Variants in RIMS4 observed in about 807,000 individuals in gnomAD.
RIMS4 encodes regulating synaptic membrane exocytosis protein 4.
In RIMS4, 9 loss-of-function variants were observed where a neutral mutation model predicts 29.0. That is an observed-to-expected ratio of 0.31 (90% CI 0.19 to 0.54). The LOEUF is 0.54. RIMS4 is among the 20% of genes least tolerant of loss of function. RIMS4 has a pLI of 0.94. For missense variants in RIMS4, 193 were observed against 365.7 expected (o/e 0.53, Z 3.85); for synonymous variants, 130 against 152.9 (o/e 0.85, Z 1.10).
intron 2 of RIMS4, among the ~76,000 whole-genome samples, chr20:44,764,260 A>ATCCATCCATTTATC (rs1555859479): frequency 2.5e-4 from 38 of 151,802 alleles, no homozygotes; most frequent in South Asian, 4.2e-4. Flanking sequence ...CCATCCTCCC[A>ATCCATCCATTTATC]CAAACTCACC....
intron 2 of RIMS4, among the ~76,000 whole-genome samples, chr20:44,764,033 TC>T (rs1281817682): frequency 6.7e-6 from 1 of 149,998 alleles, no homozygotes; most frequent in Non-Finnish European, 1.5e-5. Flanking sequence ...CATTTATCCA[TC>T]CATCCATCCA....
chr20:44,798,525 T>C (rs1276414951), intron 1 of RIMS4, among the ~76,000 whole-genome samples: 2 of 152,116 alleles, frequency 1.3e-5, no homozygotes, highest in Admixed American at 1.3e-4. Flanking sequence ...AGACAGTGGG[T>C]GAGTGGACCC....
rs2066035511 is a variant in RIMS4 at position 44,752,082 on chromosome 20, C to T, written c.*4052G>A. 1 of 152,282 alleles carries T rather than the reference C, an allele frequency of 6.6e-6. No individual in the cohort carries two copies. Among genetic ancestry groups the T allele is most frequent in the African/African-American group, 2.4e-5 (1 of 41,456 alleles). 9.4% of individuals were successfully genotyped at this position (152,282 alleles called of 1,614,324 possible). On this transcript the variant is annotated 3_prime_UTR_variant, in exon 6 of 6. Transcript: ENST00000372851. ...ATGCTCACAGCCCTGGGTTCGGCTC[C>T]ATTCTGACCTCCCTGAAGCGCTGGG...
At chr20:44,765,357 T>C (rs2066109230) in intron 2 of RIMS4, among the ~76,000 whole-genome samples, 1 of 152,152 alleles carries the variant, frequency 6.6e-6, no homozygotes, top group Non-Finnish European at 1.5e-5. Context: ...TGGAGGCACA[T>C]TCTTCACTTC....
intron 1 of RIMS4, among the ~76,000 whole-genome samples, chr20:44,781,297 C>A (rs748384547): frequency 2.0e-5 from 3 of 152,098 alleles, no homozygotes; most frequent in South Asian, 2.1e-4. Flanking sequence ...GGCAATTGTG[C>A]AATAATTACA....
chr20:44,799,166 G>C lies in RIMS4; in HGVS notation c.97+11009C>G, dbSNP rs1455017229. ...AAAAATATAAAAATTAGCTGGGCAT[G>C]GTGGCACGCGCCTGTAGTCCCAGCC... On this transcript the variant is annotated intron_variant, in intron 1 of 5. Coordinates refer to ENST00000372851, the MANE Select transcript of RIMS4 (RefSeq NM_182970.4). 2.6e-5 allele frequency among the ~76,000 whole-genome samples: 4 copies of C among 152,268 alleles called. No individual in the cohort carries two copies. In the East Asian group the frequency reaches 5.8e-4, roughly 22 times the overall value.
chr20:44,773,214 C>A (rs978194096), intron 1 of RIMS4, among the ~76,000 whole-genome samples: 5 of 152,122 alleles, frequency 3.3e-5, no homozygotes, highest in African/African-American at 9.7e-5. Flanking sequence ...ATCTTCCCTG[C>A]GTGTTTCTGA....
chr20:44,784,877 G>T (rs946905833), intron 1 of RIMS4, among the ~76,000 whole-genome samples: 7 of 152,204 alleles, frequency 4.6e-5, no homozygotes, highest in Non-Finnish European at 8.8e-5. Context: ...AAAGGCTGAA[G>T]GAATTCCAGC....
In RIMS4 at chr20:44,783,868, G is replaced by A. The variant is rs145972580; in HGVS notation, c.98-12455C>T. Among the ~76,000 whole-genome samples the A allele has an allele frequency of 1.9e-3, 287 of 152,242 alleles. 2 individuals carry two copies. Among genetic ancestry groups the A allele is most frequent in the African/African-American group, 6.1e-3 (252 of 41,520 alleles). On this transcript the variant is annotated intron_variant, in intron 1 of 5. Transcript: ENST00000372851. ...GAATGCTCACGGGTATAGGGTTGAC[G>A]ATAATATTCTACAATTGACTGTGGT...
At chr20:44,759,996 G>A (rs889371999) in intron 2 of RIMS4, among the ~76,000 whole-genome samples, 1 of 152,250 alleles carries the variant, frequency 6.6e-6, no homozygotes, top group Admixed American at 6.5e-5. Flanking sequence ...CTGCCTCAGA[G>A]AAGGAATGAC....
intron 1 of RIMS4, among the ~76,000 whole-genome samples, chr20:44,784,368 C>T (rs2066198620): frequency 6.6e-6 from 1 of 152,202 alleles, no homozygotes; most frequent in South Asian, 2.1e-4. Context: ...CAACAGATGG[C>T]CAGCTTCCTC....
intron 1 of RIMS4, among the ~76,000 whole-genome samples, chr20:44,779,982 T>C (rs373946418): frequency 8.5e-5 from 13 of 152,298 alleles, no homozygotes; most frequent in African/African-American, 3.1e-4. Context: ...ATTCCCCAAA[T>C]GTAATCTTTG....
At chr20:44,808,060 C>T (rs558051991) in intron 1 of RIMS4, among the ~76,000 whole-genome samples, 1 of 150,826 alleles carries the variant, frequency 6.6e-6, no homozygotes, top group Admixed American at 6.7e-5. Flanking sequence ...ACTAGATGAC[C>T]TTGGCATATA....
chr20:44,778,080 T>C (rs1247025020), intron 1 of RIMS4, among the ~76,000 whole-genome samples: 1 of 152,178 alleles, frequency 6.6e-6, no homozygotes, highest in East Asian at 1.9e-4. Context: ...GCCTCCCTTG[T>C]CCAGGTCTTG....
At chr20:44,786,998 A>G (rs1053180910) in intron 1 of RIMS4, among the ~76,000 whole-genome samples, 21 of 152,248 alleles carry the variant, frequency 1.4e-4, no homozygotes, top group African/African-American at 4.1e-4. Flanking sequence ...AGGAGAGGCA[A>G]GCAAACATCA....
intron 1 of RIMS4, among the ~76,000 whole-genome samples, chr20:44,801,584 T>C (rs1163834143): frequency 6.6e-6 from 1 of 152,210 alleles, no homozygotes; most frequent in Non-Finnish European, 1.5e-5. Flanking sequence ...CTGTTCTCTC[T>C]GGACGAAAAA....
rs750295182 is a variant in RIMS4 at position 44,771,425 on chromosome 20, A to T, written c.98-12T>A. 1 of 1,603,540 alleles carries T rather than the reference A, an allele frequency of 6.2e-7. No homozygotes were observed. The highest frequency in any genetic ancestry group is 8.5e-7 in the Non-Finnish European group (1 of 1,172,740). The stretch of plus-strand genomic sequence containing the variant: ...CCTCCGGCTGTCCCCTTCTGGGCAA[A>T]GCGGCCAAGAGAGATGGGAAGAGAG... On this transcript the variant is annotated splice_polypyrimidine_tract_variant and intron_variant, in intron 1 of 5. Coordinates refer to ENST00000372851, the MANE Select transcript of RIMS4 (RefSeq NM_182970.4).
intron 1 of RIMS4, among the ~76,000 whole-genome samples, chr20:44,779,888 G>A (rs977471839): frequency 6.6e-6 from 1 of 152,184 alleles, no homozygotes. Context: ...ATGTTCTGAA[G>A]AAGTGAGGCT....
At chr20:44,763,559 G>A (rs2145447254) in intron 2 of RIMS4, among the ~76,000 whole-genome samples, 3 of 152,354 alleles carry the variant, frequency 2.0e-5, no homozygotes, top group Admixed American at 2.0e-4. Context: ...TCCCTTCCAG[G>A]GACGTGTGCC....
Sources: gnomAD v4.1 joint callset for allele counts (sites outside exome capture counted in the v4.1 genomes callset) on GRCh38, gnomAD v4.1.1 for gene constraint, MANE v1.5 for transcripts, NCBI Gene and HGNC (gene_info 2026-07-23, HGNC 2026-07-21) for gene names.